ATP13A4: variants seen among roughly 807,000 people sequenced by gnomAD.
ATP13A4 encodes probable cation-transporting ATPase 13A4.
ATP13A4 carries 114 observed loss-of-function variants against 142.5 expected under a neutral mutation model. That is an observed-to-expected ratio of 0.80 (90% CI 0.69 to 0.93). ATP13A4 has a LOEUF of 0.93. Among genes scored for constraint, ATP13A4 ranks in the 40% least tolerant of loss-of-function variants. The probability of loss-of-function intolerance (pLI) is 0.00; values close to 1 mark genes in which losing one functional copy is unlikely to be tolerated. For missense variants in ATP13A4, 1,392 were observed against 1,454.0 expected (o/e 0.96, Z 0.69); for synonymous variants, 488 against 514.8 (o/e 0.95, Z 0.70).
intron 18 of ATP13A4, 128 bp downstream of exon 18, chr3:193,448,078 G>T: frequency 1.6e-6 from 2 of 1,263,094 alleles, no homozygotes; most frequent in Middle Eastern, 2.7e-4. Flanking sequence ...CCTTTTTGTT[G>T]CCCATCTCCA....
chr3:193,509,295 T>A (rs1170378465), intron 2 of ATP13A4, among the ~76,000 whole-genome samples: 1 of 152,106 alleles, frequency 6.6e-6, no homozygotes. Flanking sequence ...TCCTAAGGAG[T>A]ACTTTTAAGA....
intron 1 of ATP13A4, among the ~76,000 whole-genome samples, chr3:193,545,321 A>G (rs1350336793): frequency 6.6e-6 from 1 of 152,242 alleles, no homozygotes; most frequent in African/African-American, 2.4e-5. Context: ...CTGCATGTGT[A>G]CCCACTGAAA....
chr3:193,430,495 A>G (rs906510222), intron 25 of ATP13A4, among the ~76,000 whole-genome samples: 1 of 152,158 alleles, frequency 6.6e-6, no homozygotes, highest in African/African-American at 2.4e-5. Flanking sequence ...TGTGGAAAGT[A>G]CTGTGAAAAC....
intron 23 of ATP13A4, among the ~76,000 whole-genome samples, chr3:193,436,335 G>T (rs192354494): frequency 9.7e-4 from 148 of 152,216 alleles, no homozygotes; most frequent in African/African-American, 3.4e-3. Flanking sequence ...ATTGTTGATT[G>T]ATTTGAATAA....
intron 2 of ATP13A4, among the ~76,000 whole-genome samples, chr3:193,561,085 A>G (rs1169907130): frequency 1.3e-5 from 2 of 152,250 alleles, no homozygotes. Flanking sequence ...CTGGGGCTCA[A>G]GACAGGCTGC....
At chr3:193,505,521 C>G (rs932931324) in intron 2 of ATP13A4, among the ~76,000 whole-genome samples, 11 of 152,068 alleles carry the variant, frequency 7.2e-5, no homozygotes, top group Non-Finnish European at 1.6e-4. Flanking sequence ...CCTAACATCC[C>G]CATTTACTCC....
chr3:193,433,836 A>C lies in ATP13A4; in HGVS notation c.2842+9T>G. On this transcript the variant is annotated intron_variant, in intron 25 of 29. Coordinates refer to ENST00000342695, the MANE Select transcript of ATP13A4 (RefSeq NM_032279.4). ...GCACCTCTGGTAAGAAAGTTTTAAA[A>C]TGTCTTACTTGTTACACCAATAAGA... 1 of 1,609,142 alleles carries C rather than the reference A, an allele frequency of 6.2e-7. No homozygotes were observed. Among genetic ancestry groups the C allele is most frequent in the Non-Finnish European group, 8.5e-7 (1 of 1,175,442 alleles).
At chr3:193,452,288 T>C (rs1327775042) in intron 17 of ATP13A4, among the ~76,000 whole-genome samples, 1 of 152,194 alleles carries the variant, frequency 6.6e-6, no homozygotes, top group East Asian at 1.9e-4. Flanking sequence ...TCCTTCAAAA[T>C]GTGATATCCA....
At chr3:193,559,609 T>C (rs963044174), upstream of ATP13A4, among the ~76,000 whole-genome samples, 6 of 152,126 alleles carry the variant, frequency 3.9e-5, no homozygotes, top group Admixed American at 6.5e-5. Flanking sequence ...ACCCTTAGAT[T>C]AAAGGGTCTA....
intron 2 of ATP13A4, among the ~76,000 whole-genome samples, chr3:193,504,095 A>G (rs1415529625): frequency 6.6e-6 from 1 of 152,062 alleles, no homozygotes; most frequent in Admixed American, 6.6e-5. Flanking sequence ...TAACCTTAAT[A>G]GAAATTGGAA....
chr3:193,463,630 T>C (rs1450291992), intron 12 of ATP13A4, among the ~76,000 whole-genome samples: 1 of 152,094 alleles, frequency 6.6e-6, no homozygotes, highest in East Asian at 1.9e-4. Flanking sequence ...TTTCATTTAA[T>C]ATCTAGCATA....
chr3:193,516,498 C>A (rs1017686800), intron 1 of ATP13A4, among the ~76,000 whole-genome samples: 80 of 152,306 alleles, frequency 5.3e-4, no homozygotes, highest in African/African-American at 1.8e-3. Flanking sequence ...ATGGCTCTGT[C>A]CCCTCAACAC....
At chr3:193,503,724 C>T (rs1720689412) in intron 2 of ATP13A4, among the ~76,000 whole-genome samples, 1 of 152,290 alleles carries the variant, frequency 6.6e-6, no homozygotes, top group Middle Eastern at 3.4e-3. Context: ...CCTGCTGCTT[C>T]CTTAGCCTGT....
At position 193,465,070 on chromosome 3, in the gene ATP13A4, G is replaced by T. The variant is rs775844870; in HGVS notation, c.1331C>A (p.Pro444Gln). The change falls in exon 12 of 30, where the codon CCG becomes CAG. Residue 444 changes from proline to glutamine, a missense_variant. Physicochemically the swap from Pro to Gln is moderately conservative, Grantham distance 76 (BLOSUM62 -1). Coordinates refer to ENST00000342695, the MANE Select transcript of ATP13A4 (RefSeq NM_032279.4). ...ALDVITIAVP[P>Q]ALPAALTTGI... ...TGTGGTCAGAGCAGCAGGTAGAGCC[G>T]GAGGAACCGCAATTGTGATGACGTC... The T allele has an allele frequency of 2.5e-6, 4 of 1,614,100 alleles. No individual in the cohort carries two copies. Among genetic ancestry groups the T allele is most frequent in the Non-Finnish European group, 3.4e-6 (4 of 1,180,018 alleles).
chr3:193,556,317 C>A (rs1259709852), upstream of ATP13A4, among the ~76,000 whole-genome samples: 1 of 152,138 alleles, frequency 6.6e-6, no homozygotes. Flanking sequence ...AATGATATCT[C>A]CAACCTGACC....
rs370647802 is a variant in ATP13A4 at position 193,481,389 on chromosome 3, G to C, written c.808+2547C>G. Among the ~76,000 whole-genome samples the C allele has an allele frequency of 6.6e-4, 100 of 152,112 alleles. 1 individual carries two copies. Among genetic ancestry groups the C allele is most frequent in the African/African-American group, 2.2e-3 (93 of 41,498 alleles). Reference sequence around the variant, plus strand: ...ATATAATATAAACAAGCCTGAAATAGATACCAAAAAGGGTTATAATACAAA... The same window carrying C: ...ATATAATATAAACAAGCCTGAAATACATACCAAAAAGGGTTATAATACAAA... On this transcript the variant is annotated intron_variant, in intron 8 of 29. Coordinates refer to ENST00000342695, the MANE Select transcript of ATP13A4 (RefSeq NM_032279.4).
rs190195895 is a variant in ATP13A4, at chr3:193,483,527, C to T, written c.808+409G>A. On this transcript the variant is annotated intron_variant, in intron 8 of 29. Coordinates refer to ENST00000342695, the MANE Select transcript of ATP13A4 (RefSeq NM_032279.4). ...TCACCCAGGCTGGAGTACAGTGGCG[C>T]GATCTCGGCTCACTGCAAGCTCCGC... Among the ~76,000 whole-genome samples the T allele has an allele frequency of 9.2e-5, 14 of 152,178 alleles. No homozygotes were observed. In the East Asian group the frequency reaches 1.4e-3, roughly 15 times the overall value.
Position 193,536,088 on chromosome 3 carries a change from A to G in ATP13A4, c.60+18652T>C, listed in dbSNP as rs1002108855. Among the ~76,000 whole-genome samples, 4 of 152,054 alleles carry G rather than the reference A, an allele frequency of 2.6e-5. No homozygotes were observed. The East Asian group carries it at 5.8e-4, about 22-fold the overall frequency. ...GAAAAAATAATATTATTAGTATGCA[A>G]TCTCCTCCAGAAAGTAGAAGAGGAT... is the stretch of plus-strand genomic sequence containing the variant. On this transcript the variant is annotated intron_variant, in intron 1 of 29. Transcript: ENST00000342695.
intron 2 of ATP13A4, among the ~76,000 whole-genome samples, chr3:193,512,135 T>C (rs1008410048): frequency 5.9e-5 from 9 of 152,210 alleles, no homozygotes; most frequent in Admixed American, 4.6e-4. Flanking sequence ...GTTCTGTTTC[T>C]ACTGTAGCAA....
Sources: allele counts gnomAD v4.1 joint callset (sites outside exome capture counted in the v4.1 genomes callset), GRCh38; gene constraint gnomAD v4.1.1; transcripts MANE v1.5; gene names NCBI Gene and HGNC (gene_info 2026-07-23, HGNC 2026-07-21).